The following EXOC2 variants were observed in gnomAD, a reference collection of about 807,000 sequenced individuals.
EXOC2 encodes the protein SEC5-like 1.
A neutral mutation model predicts 131.8 loss-of-function variants in EXOC2; 70 were observed. The observed-to-expected ratio is 0.53, with a 90% CI of 0.44 to 0.65. EXOC2 has a LOEUF of 0.65. Ranked by LOEUF, EXOC2 falls within the 30% of genes least tolerant of loss-of-function variation. The probability of loss-of-function intolerance (pLI) is 0.00; values close to 1 mark genes in which losing one functional copy is unlikely to be tolerated. For synonymous variants in EXOC2, 411 were observed against 398.4 expected (o/e 1.03, Z -0.38); for missense variants, 923 against 1,108.6 (o/e 0.83, Z 2.38).
chr6:613,294 A>G (rs1356436067), intron 6 of EXOC2, among the ~76,000 whole-genome samples: 1 of 152,250 alleles, frequency 6.6e-6, no homozygotes, highest in Non-Finnish European at 1.5e-5. Context: ...ACACACAGGA[A>G]GAAACAAAAC....
rs775233916 is a variant in EXOC2, at chr6:499,713, T to C, written c.2381-13A>G. ...TAGTTTCTGACACCTGAAATTGAAATAAAGGAGAGAAAGAAGGCATTAATA... is the reference window on the plus strand; with the variant it reads ...TAGTTTCTGACACCTGAAATTGAAACAAAGGAGAGAAAGAAGGCATTAATA... On this transcript the variant is annotated splice_polypyrimidine_tract_variant and intron_variant, in intron 23 of 27. Transcript: ENST00000230449. 1.9e-6 allele frequency: 3 copies of C among 1,611,446 alleles called. No individual in the cohort carries two copies. The East Asian group carries it at 6.7e-5, about 36-fold the overall frequency.
At chr6:663,961 G>A (rs1034000235) in intron 1 of EXOC2, among the ~76,000 whole-genome samples, 1 of 151,934 alleles carries the variant, frequency 6.6e-6, no homozygotes, top group African/African-American at 2.4e-5. Context: ...GAGAAAGAAA[G>A]GCATCCAAAT....
intron 1 of EXOC2, among the ~76,000 whole-genome samples, chr6:686,265 T>TG (rs1169619979): frequency 2.0e-5 from 3 of 152,162 alleles, no homozygotes; most frequent in Admixed American, 2.0e-4. Context: ...CCCGGCCTCC[T>TG]GGACCTCTTT....
At chr6:629,168 G>T (rs1761723877) in intron 4 of EXOC2, among the ~76,000 whole-genome samples, 1 of 152,160 alleles carries the variant, frequency 6.6e-6, no homozygotes, top group African/African-American at 2.4e-5. Flanking sequence ...GTCACTTTTG[G>T]TAAGAGTTTA....
chr6:691,334 A>G (rs954199326), intron 1 of EXOC2, among the ~76,000 whole-genome samples: 7 of 152,178 alleles, frequency 4.6e-5, no homozygotes, highest in African/African-American at 1.7e-4. Context: ...TTTTTCAACA[A>G]AAGTTGCACT....
intron 8 of EXOC2, 56 bp from the exon 9 acceptor site, chr6:598,997 G>A: frequency 6.4e-7 from 1 of 1,559,544 alleles, no homozygotes; most frequent in Non-Finnish European, 8.7e-7. Flanking sequence ...GAAGACATTT[G>A]GTTAATATAA....
intron 1 of EXOC2, among the ~76,000 whole-genome samples, chr6:690,462 G>T (rs1206529099): frequency 3.3e-5 from 5 of 152,196 alleles, no homozygotes; most frequent in African/African-American, 9.7e-5. Context: ...TGTAATCCCA[G>T]CACTCTGGGA....
chr6:601,058 T>A (rs1248036408), intron 7 of EXOC2, among the ~76,000 whole-genome samples: 1 of 151,184 alleles, frequency 6.6e-6, no homozygotes, highest in Non-Finnish European at 1.5e-5. Context: ...GCTCACAAAA[T>A]GCATTTTATG....
intron 10 of EXOC2, among the ~76,000 whole-genome samples, chr6:597,468 C>T (rs370258832): frequency 9.2e-5 from 14 of 152,326 alleles, no homozygotes; most frequent in Admixed American, 3.9e-4. Flanking sequence ...GCATGAGCCA[C>T]GGTGCCCGGC....
intron 23 of EXOC2, chr6:524,850 AT>A (rs1275124470): frequency 6.6e-6 from 1 of 150,466 alleles, no homozygotes; most frequent in Admixed American, 6.7e-5. Flanking sequence ...ACCATTTCTG[AT>A]TCTTTTTATT....
intron 9 of EXOC2, 24 bp from the exon 10 acceptor site, chr6:598,147 C>T (rs768522452): frequency 6.5e-7 from 1 of 1,541,300 alleles, no homozygotes. Flanking sequence ...AAAGAATACA[C>T]AAGATTTACA....
At chr6:489,866 C>CAG (rs1561769630) in intron 26 of EXOC2, among the ~76,000 whole-genome samples, 1 of 152,192 alleles carries the variant, frequency 6.6e-6, no homozygotes, top group Admixed American at 6.5e-5. Context: ...GGGCAAGTGT[C>CAG]ACAGCAACAG....
At chr6:492,793 T>C (rs1396635808) in intron 25 of EXOC2, among the ~76,000 whole-genome samples, 1 of 152,192 alleles carries the variant, frequency 6.6e-6, no homozygotes, top group African/African-American at 2.4e-5. Flanking sequence ...GGGGTTTCTT[T>C]TGGGATGAAA....
intron 4 of EXOC2, among the ~76,000 whole-genome samples, chr6:621,651 G>A (rs549270614): frequency 2.0e-4 from 30 of 152,208 alleles, no homozygotes; most frequent in Middle Eastern, 3.4e-3. Context: ...CACTTCCACC[G>A]AGACTGAGTC....
At chr6:590,058 T>C (rs1261669116) in intron 11 of EXOC2, among the ~76,000 whole-genome samples, 5 of 148,956 alleles carry the variant, frequency 3.4e-5, no homozygotes, top group African/African-American at 1.2e-4. Context: ...GAGCTTGCAG[T>C]GAGCTGAGAT....
intron 23 of EXOC2, among the ~76,000 whole-genome samples, chr6:518,987 T>A (rs1171100922): frequency 1.3e-5 from 2 of 152,138 alleles, no homozygotes; most frequent in Non-Finnish European, 2.9e-5. Flanking sequence ...TCCGTTTTGA[T>A]CAAAAGCAGA....
intron 13 of EXOC2, among the ~76,000 whole-genome samples, chr6:567,580 A>G (rs771746462): frequency 6.6e-6 from 1 of 152,214 alleles, no homozygotes; most frequent in Non-Finnish European, 1.5e-5. Context: ...ATTTATGTGT[A>G]TGTCTACATA....
chr6:600,488 A>C (rs1250539936), intron 7 of EXOC2, among the ~76,000 whole-genome samples: 1 of 152,190 alleles, frequency 6.6e-6, no homozygotes, highest in African/African-American at 2.4e-5. Context: ...AAATGAATAG[A>C]TATGTAAAGG....
At chr6:649,973 T>C (rs1183356962) in intron 1 of EXOC2, among the ~76,000 whole-genome samples, 1 of 152,236 alleles carries the variant, frequency 6.6e-6, no homozygotes, top group Non-Finnish European at 1.5e-5. Context: ...CTTTTTTTAA[T>C]GTAAGACTTT....
Sources: allele counts gnomAD v4.1 joint callset (sites outside exome capture counted in the v4.1 genomes callset), GRCh38; gene constraint gnomAD v4.1.1; transcripts MANE v1.5; gene names NCBI Gene and HGNC (gene_info 2026-07-23, HGNC 2026-07-21).